LIN9: variants seen among roughly 807,000 people sequenced by gnomAD.
LIN9 encodes the protein lin-9 DREAM MuvB core complex component, also known as protein lin-9 homolog.
In LIN9, 18 loss-of-function variants were observed where a neutral mutation model predicts 78.0. The observed-to-expected ratio is 0.23, with a 90% CI of 0.16 to 0.34. LIN9 has a LOEUF of 0.34. LIN9 is among the 10% of genes least tolerant of loss of function. The pLI is 1.00. For missense variants in LIN9, 451 were observed against 644.1 expected (o/e 0.70, Z 3.25); for synonymous variants, 192 against 215.2 (o/e 0.89, Z 0.94).
intron 10 of LIN9, among the ~76,000 whole-genome samples, chr1:226,257,207 C>A (rs993916109): frequency 2.6e-5 from 4 of 152,110 alleles, no homozygotes; most frequent in Non-Finnish European, 4.4e-5. Context: ...ACCTCAGCCT[C>A]CCAAAGTGCT....
At chr1:226,261,214 C>A (rs1024505362) in intron 10 of LIN9, among the ~76,000 whole-genome samples, 2 of 151,820 alleles carry the variant, frequency 1.3e-5, no homozygotes, top group African/African-American at 4.8e-5. Context: ...AGTTTTCCCA[C>A]TAAGATCAGG....
At chr1:226,245,597 A>AT (rs529840578) in intron 11 of LIN9, among the ~76,000 whole-genome samples, 34 of 147,394 alleles carry the variant, frequency 2.3e-4, no homozygotes, top group East Asian at 5.9e-4. Context: ...AAAAACAAAA[A>AT]TTTTTTTTTT....
chr1:226,273,281 G>A lies in LIN9; in HGVS notation c.682+4494C>T, dbSNP rs148285074. 6.1e-3 allele frequency among the ~76,000 whole-genome samples: 544 copies of A among 89,182 alleles called. 22 individuals are homozygous for A. The South Asian group carries it at 0.096, about 16-fold the overall frequency. 58.5% of individuals were successfully genotyped at this position (89,182 alleles called of 152,430 possible). A position where few individuals can be genotyped will look rare whatever the true frequency, so the allele number is the denominator to read the frequency against. Reference sequence around the variant, plus strand: ...ATTTTTTTTTTTTTTTTTTTTTTGAGACAAGGTCTCACTCTGTCCAGGCTG... The same window carrying A: ...ATTTTTTTTTTTTTTTTTTTTTTGAAACAAGGTCTCACTCTGTCCAGGCTG... On this transcript the variant is annotated intron_variant, in intron 7 of 14. Transcript: ENST00000681046.
intron 11 of LIN9, among the ~76,000 whole-genome samples, chr1:226,249,106 T>A (rs1658666498): frequency 6.6e-6 from 1 of 152,050 alleles, no homozygotes; most frequent in Non-Finnish European, 1.5e-5. Context: ...AAGAAAACAG[T>A]CCTAACTAGT....
intron 12 of LIN9, among the ~76,000 whole-genome samples, chr1:226,235,322 CAAAAAA>C (rs375690849): frequency 1.7e-5 from 1 of 59,694 alleles, no homozygotes; most frequent in Non-Finnish European, 3.1e-5. Context: ...AAATCCGTCT[CAAAAAA>C]AAAAAAAAAA....
At chr1:226,297,452 G>C (rs745978282) in intron 3 of LIN9, among the ~76,000 whole-genome samples, 1 of 151,706 alleles carries the variant, frequency 6.6e-6, no homozygotes, top group Non-Finnish European at 1.5e-5. Context: ...AATTTTTTGC[G>C]TATCTAATAA....
intron 2 of LIN9, among the ~76,000 whole-genome samples, chr1:226,300,932 A>G (rs1662496606): frequency 6.6e-6 from 1 of 152,232 alleles, no homozygotes; most frequent in African/African-American, 2.4e-5. Context: ...CTAAATATTT[A>G]TGGAATGTTT....
chr1:226,275,346 A>G (rs1660578116), intron 7 of LIN9, among the ~76,000 whole-genome samples: 1 of 152,240 alleles, frequency 6.6e-6, no homozygotes, highest in African/African-American at 2.4e-5. Flanking sequence ...ATAGGCCGTA[A>G]GTTTGCTGAC....
At chr1:226,248,102 A>G (rs760659463) in intron 11 of LIN9, among the ~76,000 whole-genome samples, 1 of 152,232 alleles carries the variant, frequency 6.6e-6, no homozygotes, top group Non-Finnish European at 1.5e-5. Context: ...CCAAAAGCAG[A>G]AAAAAACCTT....
chr1:226,232,742 T>C, intron 14 of LIN9, 136 bp from the exon 15 acceptor site: 1 of 548,524 alleles, frequency 1.8e-6, no homozygotes, highest in East Asian at 3.0e-5. Context: ...TCTAATATAT[T>C]AGCCATAATT....
rs1382611942 is a variant in LIN9, at chr1:226,277,943, T to A, written c.525-11A>T. 1.3e-6 allele frequency: 2 copies of A among 1,599,234 alleles called. No individual in the cohort carries two copies. The highest frequency in any genetic ancestry group is 1.7e-5 in the Admixed American group (1 of 57,880). ...AATGCAGAAGAACATCTAGAATAAA[T>A]TATAAAAAACATACAAACTGATAAC... On this transcript the variant is annotated splice_polypyrimidine_tract_variant and intron_variant, in intron 6 of 14. Transcript: ENST00000681046.
At position 226,278,407 on chromosome 1, in the gene LIN9, C is replaced by T. The variant is rs192265041; in HGVS notation, c.525-475G>A. Among the ~76,000 whole-genome samples the T allele has an allele frequency of 8.3e-4, 125 of 150,064 alleles. 1 individual carries two copies. The East Asian group carries it at 0.018, about 21-fold the overall frequency. ...TTGCGCCACTGCACTCCAGCCTGGG[C>T]GACAAGAGTGAGACTCCATCTTAAA... On this transcript the variant is annotated intron_variant, in intron 6 of 14. Transcript: ENST00000681046.
chr1:226,264,266 G>A (rs1421482528), intron 10 of LIN9, among the ~76,000 whole-genome samples: 2 of 152,060 alleles, frequency 1.3e-5, no homozygotes, highest in Non-Finnish European at 2.9e-5. Context: ...TGTAATCCCA[G>A]CAACTTGGGA....
chr1:226,299,504 CAAAAAAAAA>C (rs34440310), intron 2 of LIN9, among the ~76,000 whole-genome samples: 1 of 88,936 alleles, frequency 1.1e-5, no homozygotes, highest in Non-Finnish European at 2.2e-5. Flanking sequence ...GACTCAGTCT[CAAAAAAAAA>C]AAAAAAAAAG....
At chr1:226,266,452 T>G (rs1357410346) in intron 8 of LIN9, 120 bp from the exon 9 acceptor site, 9 of 643,014 alleles carry the variant, frequency 1.4e-5, no homozygotes, top group Non-Finnish European at 2.1e-5. Flanking sequence ...ATATAGAATT[T>G]ATTACTTATA....
chr1:226,290,576 G>A (rs1223838745), intron 4 of LIN9, among the ~76,000 whole-genome samples: 3 of 151,864 alleles, frequency 2.0e-5, no homozygotes, highest in South Asian at 2.1e-4. Flanking sequence ...TCCTGACCTC[G>A]TGATCCGCCC....
intron 1 of LIN9, among the ~76,000 whole-genome samples, chr1:226,304,530 G>T (rs1314690484): frequency 6.6e-6 from 1 of 152,136 alleles, no homozygotes; most frequent in African/African-American, 2.4e-5. Context: ...CATGATAAAG[G>T]AAATAAACAG....
intron 4 of LIN9, 123 bp downstream of exon 4, chr1:226,295,719 A>C: frequency 1.7e-6 from 1 of 585,818 alleles, no homozygotes; most frequent in East Asian, 3.0e-5. Context: ...ACAGGACCAG[A>C]GCAGCCGTAC....
At position 226,277,815 on chromosome 1, in the gene LIN9, A is replaced by G; in HGVS notation, c.642T>C (p.Asp214=). 1 of 1,613,836 alleles carries G rather than the reference A, an allele frequency of 6.2e-7. No individual in the cohort carries two copies. The highest frequency in any genetic ancestry group is 8.5e-7 in the Non-Finnish European group (1 of 1,179,860). Residue 214 remains aspartate (D), a synonymous_variant, in exon 7 of 15, where the codon GAT becomes GAC. Coordinates refer to ENST00000681046, the MANE Select transcript of LIN9 (RefSeq NM_001366245.2). ...ADVSQFKDLP[D]EIPLPLVIGT... Reference sequence around the variant, plus strand: ...CAATAACCAGAGGCAAAGGAATTTCATCTGGGAGATCTTTGAATTGTGAAA... The same window carrying G: ...CAATAACCAGAGGCAAAGGAATTTCGTCTGGGAGATCTTTGAATTGTGAAA...
Sources: gnomAD v4.1 joint callset for allele counts (sites outside exome capture counted in the v4.1 genomes callset) on GRCh38, gnomAD v4.1.1 for gene constraint, MANE v1.5 for transcripts, NCBI Gene and HGNC (gene_info 2026-07-23, HGNC 2026-07-21) for gene names.